ZNF142: variants seen among roughly 807,000 people sequenced by gnomAD.
The protein encoded by ZNF142 is zinc finger protein 142 (clone pHZ-49).
A neutral mutation model predicts 132.1 loss-of-function variants in ZNF142; 96 were observed. That is an observed-to-expected ratio of 0.73 (90% confidence interval 0.62 to 0.86). The LOEUF (loss-of-function observed/expected upper bound fraction) is 0.86, where lower values mean the gene tolerates loss of function less well. ZNF142 is among the 40% of genes least tolerant of loss of function. The probability of loss-of-function intolerance (pLI) is 0.00; values close to 1 mark genes in which losing one functional copy is unlikely to be tolerated. For missense variants in ZNF142, 2,163 were observed against 2,336.2 expected, an observed-to-expected ratio of 0.93 and a Z score of 1.53; for synonymous variants, 842 against 890.1, an observed-to-expected ratio of 0.95 and a Z score of 0.96.
At position 218,633,979 on chromosome 2, in the gene ZNF142, C is replaced by T; in HGVS notation, c.*4360G>A. On this transcript the variant is annotated 3_prime_UTR_variant, in exon 11 of 11. Transcript: ENST00000411696. Reference sequence around the variant, plus strand: ...TCTGGATGGACAGAGTAGAGAGGCACAGTGAAACTTTCTGGAGCCAGCTTC... The same window carrying T: ...TCTGGATGGACAGAGTAGAGAGGCATAGTGAAACTTTCTGGAGCCAGCTTC... 4.5e-6 allele frequency: 6 copies of T among 1,346,776 alleles called. No homozygotes were observed. Among genetic ancestry groups the T allele is most frequent in the Non-Finnish European group, 6.1e-6 (6 of 982,464 alleles). The allele number at this position is 1,346,776 out of a possible 1,614,324, so 83.4% of individuals were successfully genotyped here.
At position 218,633,874 on chromosome 2, in the gene ZNF142, GAGTT is replaced by G; in HGVS notation, c.*4461_*4464del. The G allele has an allele frequency of 2.8e-6, 3 of 1,061,108 alleles. No homozygotes were observed. The highest frequency in any genetic ancestry group is 4.2e-6 in the Non-Finnish European group (3 of 709,832). The allele number at this position is 1,061,108 out of a possible 1,614,324, so 65.7% of individuals were successfully genotyped here. On this transcript the variant is annotated 3_prime_UTR_variant, in exon 11 of 11. Coordinates refer to ENST00000411696, the MANE Select transcript of ZNF142 (RefSeq NM_001379659.1). ...ACAAGGTAGCTAAGGAGAGATGAAG[GAGTT>G]CAGAAACTCCTTAGAGCAGACAAGG...
chr2:218,651,786 G>T lies in ZNF142; in HGVS notation c.795C>A (p.Phe265Leu). 7.8e-7 allele frequency: 1 copy of T among 1,289,894 alleles called. No homozygotes were observed. The highest frequency in any genetic ancestry group is 2.1e-4 in the Middle Eastern group (1 of 4,692). 79.9% of individuals were successfully genotyped at this position (1,289,894 alleles called of 1,614,324 possible). The change falls in exon 5 of 11, where the codon TTC becomes TTA. Residue 265 changes from phenylalanine to leucine, a missense_variant. Physicochemically the swap from Phe to Leu is conservative, Grantham distance 22. Around this residue, in one of 7 missense-constraint regions of ZNF142, gnomAD observed 63 missense variants for 104.1 expected, o/e 0.61. Coordinates refer to ENST00000411696, the MANE Select transcript of ZNF142 (RefSeq NM_001379659.1). ...CSFIGSNVKL[F>L]RQHQRSHGAG... ...CACCATGGCTCCGCTGATGCTGCCG[G>T]AAGAGTTTGACGTTGGAGCCTATGA...
In ZNF142 at chr2:218,645,000, G is replaced by A. The variant is rs979904587; in HGVS notation, c.2116C>T (p.Arg706Trp). ...CACATCAGAGACTTGCCCTGATGCCGCAGCTTGTGGCTGCTCAGCTGATCA... is the reference window on the plus strand; with the variant it reads ...CACATCAGAGACTTGCCCTGATGCCACAGCTTGTGGCTGCTCAGCTGATCA... ...RADQLSSHKL[R>W]HQGKSLMCEV... Residue 706 changes from arginine to tryptophan, a missense_variant, in exon 9 of 11, where the codon CGG (arginine) becomes TGG (tryptophan). Around this residue, in one of 7 missense-constraint regions of ZNF142, gnomAD observed 749 missense variants for 830.3 expected, o/e 0.90. Coordinates refer to ENST00000411696, the MANE Select transcript of ZNF142 (RefSeq NM_001379659.1). This position sits in a 1 kb window ranked among gnomAD's most constrained non-coding sequence, Gnocchi z 4.6. 10 of 1,613,980 alleles carry A rather than the reference G, an allele frequency of 6.2e-6. No individual in the cohort carries two copies. Among genetic ancestry groups the A allele is most frequent in the Admixed American group, 3.3e-5 (2 of 60,006 alleles).
At chr2:218,653,351 G>A (rs1261300699) in intron 4 of ZNF142, among the ~76,000 whole-genome samples, 1 of 152,028 alleles carries the variant, frequency 6.6e-6, no homozygotes, top group African/African-American at 2.4e-5. Context: ...GACGAGGTGG[G>A]TGGATCACCT....
chr2:218,633,823 C>T lies in ZNF142; in HGVS notation c.*4516G>A. On this transcript the variant is annotated 3_prime_UTR_variant, in exon 11 of 11. Transcript: ENST00000411696. Reference sequence around the variant, plus strand: ...GATGGATAGGTTCAGGCCTGATGGACTGGCAGGTAAGTCCCAAGAAAAAAG... The same window carrying T: ...GATGGATAGGTTCAGGCCTGATGGATTGGCAGGTAAGTCCCAAGAAAAAAG... 1 of 1,576,038 alleles carries T rather than the reference C, an allele frequency of 6.3e-7. No individual in the cohort carries two copies.
rs1435326806 is a variant in ZNF142 at position 218,653,275 on chromosome 2, TC to T, written c.281-976del. Among the ~76,000 whole-genome samples the T allele has an allele frequency of 1.1e-4, 11 of 103,340 alleles. No individual in the cohort carries two copies. In the East Asian group the frequency reaches 6.1e-3, roughly 57 times the overall value. The allele number at this position is 103,340 out of a possible 152,430, so 67.8% of individuals were successfully genotyped here. ...GCCTGGCCAAGAGAGAGACTCTGTC[TC>T]AAAAAAAAAAAAAATTTCAGGCCGG... is the stretch of plus-strand genomic sequence containing the variant. On this transcript the variant is annotated intron_variant, in intron 4 of 10. Coordinates refer to ENST00000411696, the MANE Select transcript of ZNF142 (RefSeq NM_001379659.1).
Position 218,636,378 on chromosome 2 carries a change from C to T in ZNF142, c.*1961G>A. On this transcript the variant is annotated 3_prime_UTR_variant, in exon 11 of 11. Coordinates refer to ENST00000411696, the MANE Select transcript of ZNF142 (RefSeq NM_001379659.1). ...ATTGGTCAGTACACCCTGCCTTGGACCTGCATGCAACAAGGTGAGCCAGCC... is the reference window on the plus strand; with the variant it reads ...ATTGGTCAGTACACCCTGCCTTGGATCTGCATGCAACAAGGTGAGCCAGCC... 1 of 1,614,058 alleles carries T rather than the reference C, an allele frequency of 6.2e-7. No individual in the cohort carries two copies.
Position 218,635,998 on chromosome 2 carries a change from T to G in ZNF142, c.*2341A>C. ...GATTAGTTTTCCTTCTAGTCTGTCTTCCATTAAGTATAGCATCTGTTATTG... is the reference window on the plus strand; with the variant it reads ...GATTAGTTTTCCTTCTAGTCTGTCTGCCATTAAGTATAGCATCTGTTATTG... On this transcript the variant is annotated 3_prime_UTR_variant, in exon 11 of 11. Transcript: ENST00000411696. 5.0e-6 allele frequency: 8 copies of G among 1,607,320 alleles called. No individual in the cohort carries two copies. In the South Asian group the frequency reaches 8.9e-5, roughly 18 times the overall value.
chr2:218,640,905 TTA>T, intron 9 of ZNF142, 136 bp from the exon 10 acceptor site: 1 of 691,020 alleles, frequency 1.4e-6, no homozygotes. Flanking sequence ...TTTGTTTTTC[TTA>T]ATCTTCAGTT....
intron 4 of ZNF142, among the ~76,000 whole-genome samples, chr2:218,655,349 T>C (rs1938386504): frequency 6.6e-6 from 1 of 152,212 alleles, no homozygotes; most frequent in Non-Finnish European, 1.5e-5. Context: ...TGGTGACAAC[T>C]ATGGCTGGAG....
At chr2:218,646,510 A>G (rs1358904241) in intron 7 of ZNF142, among the ~76,000 whole-genome samples, 162 bp from the exon 8 acceptor site, 1 of 152,186 alleles carries the variant, frequency 6.6e-6, no homozygotes, top group Non-Finnish European at 1.5e-5. Context: ...GGGCTGCTTC[A>G]GGGCCCTCTC....
At chr2:218,656,683 G>A (rs781663731) in intron 3 of ZNF142, among the ~76,000 whole-genome samples, 2 of 152,164 alleles carry the variant, frequency 1.3e-5, no homozygotes, top group African/African-American at 4.8e-5. Flanking sequence ...CAGCCAACAA[G>A]TATTGGCCAA....
At chr2:218,647,422 C>CAAAAAAAAAAAAAAA (rs35920609) in intron 7 of ZNF142, among the ~76,000 whole-genome samples, 11,363 of 38,352 alleles carry the variant, frequency 0.3, 4,865 homozygotes, top group Non-Finnish European at 0.42. Context: ...GACTCCATCT[C>CAAAAAAAAAAAAAAA]AAAAAAAAAA....
In ZNF142 at chr2:218,658,869, C is replaced by T. The variant is rs188718423; in HGVS notation, c.-203G>A. On this transcript the variant is annotated 5_prime_UTR_variant, in exon 3 of 11. Coordinates refer to ENST00000411696, the MANE Select transcript of ZNF142 (RefSeq NM_001379659.1). Reference sequence around the variant, plus strand: ...AGAAGAAATACGCTTATCTTCCGGGCAGGAGGGCTGAGGAAGAGAAAGGAC... The same window carrying T: ...AGAAGAAATACGCTTATCTTCCGGGTAGGAGGGCTGAGGAAGAGAAAGGAC... 8.1e-3 allele frequency: 1,230 copies of T among 152,372 alleles called. 9 individuals carry two copies. Among genetic ancestry groups the T allele is most frequent in the Non-Finnish European group, 0.014 (932 of 68,096 alleles). 9.4% of individuals were successfully genotyped at this position (152,372 alleles called of 1,614,324 possible).
chr2:218,644,813 G>T lies in ZNF142; in HGVS notation c.2303C>A (p.Thr768Asn). 1 of 1,614,260 alleles carries T rather than the reference G, an allele frequency of 6.2e-7. No individual in the cohort carries two copies. Among genetic ancestry groups the T allele is most frequent in the South Asian group, 1.1e-5 (1 of 91,088 alleles). ...GGCACAGTGGAACTCACGGAGGCGGGTATGCTTGCAGTTCTCATGGCTCAG... is the reference window on the plus strand; with the variant it reads ...GGCACAGTGGAACTCACGGAGGCGGTTATGCTTGCAGTTCTCATGGCTCAG... ...AVLSHENCKH[T>N]RLREFHCALC... The change falls in exon 9 of 11, where the codon ACC becomes AAC. Residue 768 changes from threonine to asparagine, a missense_variant. By Grantham distance (65) the Thr-to-Asn change is moderately conservative (BLOSUM62 0). This residue lies in a region of ZNF142 where 749 missense variants were observed against 830.3 expected (regional missense o/e 0.90). Coordinates refer to ENST00000411696, the MANE Select transcript of ZNF142 (RefSeq NM_001379659.1). This position sits in a 1 kb window ranked among gnomAD's most constrained non-coding sequence, Gnocchi z 4.6.
rs750833617 is a variant in ZNF142, at chr2:218,638,748, C to T, written c.5255G>A (p.Arg1752His). The change falls in exon 11 of 11, where the codon CGT (arginine) becomes CAT (histidine). Residue 1752 changes from arginine to histidine, a missense_variant. Around this residue, in one of 7 missense-constraint regions of ZNF142, gnomAD observed 325 missense variants for 367.8 expected, o/e 0.88. Coordinates refer to ENST00000411696, the MANE Select transcript of ZNF142 (RefSeq NM_001379659.1). ...EYCTNRADAL[R>H]VHQETRHREA... is the part of the protein sequence containing the mutation. ...TCGATGCCGGGTCTCCTGGTGCACA[C>T]GCAGTGCATCAGCCCGGTTGGTGCA... 2.2e-5 allele frequency: 36 copies of T among 1,612,034 alleles called. 1 individual carries two copies. In the East Asian group the frequency reaches 3.1e-4, roughly 14 times the overall value.
rs953894576 is a variant in ZNF142 at position 218,659,587 on chromosome 2, G to A, written c.-580C>T. 1 of 152,278 alleles carries A rather than the reference G, an allele frequency of 6.6e-6. No individual in the cohort carries two copies. The highest frequency in any genetic ancestry group is 2.1e-4 in the South Asian group (1 of 4,824). The allele number at this position is 152,278 out of a possible 1,614,324, so 9.4% of individuals were successfully genotyped here. On this transcript the variant is annotated 5_prime_UTR_variant, in exon 1 of 11. Coordinates refer to ENST00000411696, the MANE Select transcript of ZNF142 (RefSeq NM_001379659.1). This position sits in a 1 kb window ranked among gnomAD's most constrained non-coding sequence, Gnocchi z 4.4. ...CACCCCCACTCCAGCCCTGAAGCCGGAGAAGCACCATCGAGAGCTCTGGGG... is the reference window on the plus strand; with the variant it reads ...CACCCCCACTCCAGCCCTGAAGCCGAAGAAGCACCATCGAGAGCTCTGGGG...
In ZNF142 at chr2:218,650,420, A is replaced by C. The variant is rs751980822; in HGVS notation, c.987T>G (p.Ser329Arg). ...EEENVEKEEKSDTQKDSQKAV... is the reference protein window; with the variant it reads ...EEENVEKEEKRDTQKDSQKAV... Reference sequence around the variant, plus strand: ...CCTTTTGGGAGTCCTTCTGGGTGTCACTCTTCTCTTCTTTCTCTACATTCT... The same window carrying C: ...CCTTTTGGGAGTCCTTCTGGGTGTCCCTCTTCTCTTCTTTCTCTACATTCT... Residue 329 changes from serine to arginine, a missense_variant, in exon 6 of 11, where the codon AGT (serine) becomes AGG (arginine). Ser to Arg is a moderately radical substitution (Grantham distance 110, BLOSUM62 -1). Transcript: ENST00000411696. 1 of 1,613,742 alleles carries C rather than the reference A, an allele frequency of 6.2e-7. No individual in the cohort carries two copies.
In ZNF142 at chr2:218,633,908, A is replaced by G; in HGVS notation, c.*4431T>C. 1 of 1,216,976 alleles carries G rather than the reference A, an allele frequency of 8.2e-7. No homozygotes were observed. The highest frequency in any genetic ancestry group is 1.2e-6 in the Non-Finnish European group (1 of 861,944). 75.4% of individuals were successfully genotyped at this position (1,216,976 alleles called of 1,614,324 possible). On this transcript the variant is annotated 3_prime_UTR_variant, in exon 11 of 11. Coordinates refer to ENST00000411696, the MANE Select transcript of ZNF142 (RefSeq NM_001379659.1). The stretch of plus-strand genomic sequence containing the variant: ...AACTCCTTAGAGCAGACAAGGGCAG[A>G]GGAGTTATGAATAGTGGCTCAAGGG...
Sources: allele counts gnomAD v4.1 joint callset (sites outside exome capture counted in the v4.1 genomes callset), GRCh38; gene constraint gnomAD v4.1.1; regional missense constraint gnomAD v4.1.1; non-coding constraint Gnocchi (gnomAD v3.1); transcripts MANE v1.5; gene names NCBI Gene and HGNC (gene_info 2026-07-23, HGNC 2026-07-21).